ANKS1B: variants seen among roughly 807,000 people sequenced by gnomAD.
The protein encoded by ANKS1B is ankyrin repeat and sterile alpha motif domain-containing protein 1B.
Under a neutral mutation model 148.3 loss-of-function variants are expected in ANKS1B, and 36 were observed. The ratio of observed to expected loss-of-function variants is 0.24; its 90% CI spans 0.19 to 0.32. The LOEUF (loss-of-function observed/expected upper bound fraction) is 0.32. Among genes scored for constraint, ANKS1B ranks in the 10% least tolerant of loss-of-function variants. ANKS1B has a pLI of 1.00. For synonymous variants in ANKS1B, 542 were observed against 560.8 expected, an observed-to-expected ratio of 0.97 and a Z score of 0.47; for missense variants, 1,157 against 1,542.6, an observed-to-expected ratio of 0.75 and a Z score of 4.19.
At chr12:99,450,858 TATA>T (rs2095720595) in intron 10 of ANKS1B, among the ~76,000 whole-genome samples, 1 of 152,208 alleles carries the variant, frequency 6.6e-6, no homozygotes. Context: ...GTCTGGCTTT[TATA>T]ATAATTCCAT....
intron 4 of ANKS1B, among the ~76,000 whole-genome samples, chr12:99,787,558 A>G (rs1286625059): frequency 1.3e-5 from 2 of 152,242 alleles, no homozygotes. Context: ...TGAAGGACAG[A>G]GCAAAATTGC....
At chr12:98,890,060 G>A (rs768557682) in intron 17 of ANKS1B, among the ~76,000 whole-genome samples, 21 of 152,138 alleles carry the variant, frequency 1.4e-4, no homozygotes, top group Non-Finnish European at 1.0e-4. Flanking sequence ...CAGGGAAGAC[G>A]ACTTCCTCCT....
At chr12:98,752,463 T>G (rs2098119897) in intron 25 of ANKS1B, among the ~76,000 whole-genome samples, 1 of 152,078 alleles carries the variant, frequency 6.6e-6, no homozygotes, top group Non-Finnish European at 1.5e-5. Flanking sequence ...TTCACTATGT[T>G]GGCCAGGCTG....
chr12:99,591,898 TAAAC>T (rs2097706788), intron 9 of ANKS1B, among the ~76,000 whole-genome samples: 1 of 152,182 alleles, frequency 6.6e-6, no homozygotes, highest in African/African-American at 2.4e-5. Context: ...TCTAGGCTAT[TAAAC>T]AATCTTTTTC....
intron 17 of ANKS1B, among the ~76,000 whole-genome samples, chr12:98,969,319 C>T (rs2099881234): frequency 6.6e-6 from 1 of 152,112 alleles, no homozygotes; most frequent in Non-Finnish European, 1.5e-5. Flanking sequence ...AACAGGATAG[C>T]AGAAAATCGC....
intron 17 of ANKS1B, among the ~76,000 whole-genome samples, chr12:98,914,020 T>A (rs2099790561): frequency 6.6e-6 from 1 of 152,216 alleles, no homozygotes; most frequent in Admixed American, 6.5e-5. Flanking sequence ...TTCCTTTCTA[T>A]GTGATATGGT....
intron 4 of ANKS1B, among the ~76,000 whole-genome samples, chr12:99,787,199 T>A (rs1172545036): frequency 6.6e-6 from 1 of 152,220 alleles, no homozygotes; most frequent in African/African-American, 2.4e-5. Flanking sequence ...ATAATCTTCA[T>A]GTGTCATGGG....
intron 1 of ANKS1B, among the ~76,000 whole-genome samples, chr12:99,872,506 T>C (rs939520055): frequency 6.6e-6 from 1 of 152,256 alleles, no homozygotes; most frequent in Middle Eastern, 3.4e-3. Context: ...CCTGAAATCA[T>C]TTCTCACTGG....
chr12:98,884,848 T>C (rs114248239), intron 17 of ANKS1B, among the ~76,000 whole-genome samples: 2,286 of 150,792 alleles, frequency 0.015, 49 homozygotes, highest in African/African-American at 0.05. Context: ...TTGGGGAGTC[T>C]CTCAGATGTG....
At chr12:99,801,098 T>C (rs1362809993) in intron 4 of ANKS1B, among the ~76,000 whole-genome samples, 1 of 152,168 alleles carries the variant, frequency 6.6e-6, no homozygotes, top group African/African-American at 2.4e-5. Flanking sequence ...TATATTTCTC[T>C]TCCTCTTTAT....
At chr12:98,916,267 T>C (rs1436740497) in intron 17 of ANKS1B, among the ~76,000 whole-genome samples, 1 of 152,266 alleles carries the variant, frequency 6.6e-6, no homozygotes, top group Non-Finnish European at 1.5e-5. Context: ...GTCACGATGA[T>C]GTCACAGCGG....
At chr12:98,761,004 C>A (rs184921957) in intron 25 of ANKS1B, among the ~76,000 whole-genome samples, 2 of 152,168 alleles carry the variant, frequency 1.3e-5, no homozygotes, top group Non-Finnish European at 2.9e-5. Flanking sequence ...AGGCTAAGTG[C>A]CTTCTGTGGA....
At chr12:99,741,028 T>G (rs982176571) in intron 8 of ANKS1B, among the ~76,000 whole-genome samples, 1 of 151,978 alleles carries the variant, frequency 6.6e-6, no homozygotes, top group Non-Finnish European at 1.5e-5. Flanking sequence ...GGCAAAATGG[T>G]GAAATGCCAT....
intron 1 of ANKS1B, among the ~76,000 whole-genome samples, chr12:99,869,740 T>C (rs12296157): frequency 0.21 from 31,659 of 149,790 alleles, 3,458 homozygotes; most frequent in African/African-American, 0.27. Flanking sequence ...TTTCAACAAG[T>C]GGTGCTGGTT....
At chr12:99,736,671 C>G (rs1417490061) in intron 8 of ANKS1B, among the ~76,000 whole-genome samples, 1 of 151,790 alleles carries the variant, frequency 6.6e-6, no homozygotes, top group Non-Finnish European at 1.5e-5. Flanking sequence ...AAAGCACAGA[C>G]AACAAAAACA....
chr12:99,926,074 T>C (rs902544015), intron 1 of ANKS1B, among the ~76,000 whole-genome samples: 4 of 152,236 alleles, frequency 2.6e-5, no homozygotes, highest in Non-Finnish European at 5.9e-5. Flanking sequence ...CTTCCCATTT[T>C]ATAGAATGAT....
intron 9 of ANKS1B, among the ~76,000 whole-genome samples, chr12:99,639,751 G>T (rs1279547176): frequency 6.6e-6 from 1 of 152,188 alleles, no homozygotes; most frequent in Non-Finnish European, 1.5e-5. Context: ...TTGATTGTAA[G>T]TTTCCTGAGG....
At chr12:99,244,209 T>G (rs2089895750) in intron 14 of ANKS1B, 133 bp downstream of exon 14, 1 of 628,178 alleles carries the variant, frequency 1.6e-6, no homozygotes. Context: ...TGTTGTTAGA[T>G]CTGAGAGTGG....
intron 12 of ANKS1B, among the ~76,000 whole-genome samples, chr12:99,379,082 TAAG>T (rs1277788363): frequency 6.6e-6 from 1 of 152,152 alleles, no homozygotes; most frequent in Admixed American, 6.5e-5. Flanking sequence ...GAAACTGACT[TAAG>T]GAGACTCAAC....
Sources: gnomAD v4.1 joint callset for allele counts (sites outside exome capture counted in the v4.1 genomes callset) on GRCh38, gnomAD v4.1.1 for gene constraint, MANE v1.5 for transcripts, NCBI Gene and HGNC (gene_info 2026-07-23, HGNC 2026-07-21) for gene names.